MTUS1: variants seen among roughly 807,000 people sequenced by gnomAD.
The protein encoded by MTUS1 is microtubule-associated tumor suppressor 1.
Under a neutral mutation model 120.8 loss-of-function variants are expected in MTUS1, and 109 were observed. That is an observed-to-expected ratio of 0.90 (90% CI 0.77 to 1.06). The LOEUF (loss-of-function observed/expected upper bound fraction) is 1.06. Ranked by LOEUF, MTUS1 falls within the 50% of genes least tolerant of loss-of-function variation. The probability of loss-of-function intolerance (pLI) is 0.00; values close to 1 mark genes in which losing one functional copy is unlikely to be tolerated. For synonymous variants in MTUS1, 737 were observed against 550.5 expected (o/e 1.34, Z -4.74); for missense variants, 2,210 against 1,486.3 (o/e 1.49, Z -8.01).
At chr8:17,744,324 T>G (rs907578500) in intron 2 of MTUS1, among the ~76,000 whole-genome samples, 9 of 152,218 alleles carry the variant, frequency 5.9e-5, no homozygotes, top group African/African-American at 2.2e-4. Flanking sequence ...CGGCCACGTA[T>G]GAGATTTCAT....
Position 17,743,674 on chromosome 8 carries a change from G to C in MTUS1, c.2217C>G (p.Asn739Lys), listed in dbSNP as rs750048149. 13 of 1,614,004 alleles carry C rather than the reference G, an allele frequency of 8.1e-6. No individual in the cohort carries two copies. Among genetic ancestry groups the C allele is most frequent in the Non-Finnish European group, 1.1e-5 (13 of 1,180,032 alleles). ...CAGCACTGGGATTTCTATTGTCACT[G>C]TTCCGCCTCAAACAGGAAACAGGGG... ...VGPPVSCLRR[N>K]SDNRNPSADR... The change falls in exon 3 of 15, where the codon AAC becomes AAG. Residue 739 changes from asparagine (N) to lysine (K), a missense_variant. By Grantham distance (94) the Asn-to-Lys change is moderately conservative (BLOSUM62 0). Coordinates refer to ENST00000693296, the MANE Select transcript of MTUS1 (RefSeq NM_001363059.2).
At chr8:17,712,651 T>G (rs188809348) in intron 6 of MTUS1, among the ~76,000 whole-genome samples, 4 of 152,308 alleles carry the variant, frequency 2.6e-5, no homozygotes, top group Non-Finnish European at 4.4e-5. Context: ...TCTGTCGGTC[T>G]GTCTGTCTGT....
chr8:17,715,234 C>T (rs1822093668), intron 5 of MTUS1, among the ~76,000 whole-genome samples: 1 of 151,958 alleles, frequency 6.6e-6, no homozygotes, highest in African/African-American at 2.4e-5. Context: ...TGCTTTGGCC[C>T]CACTGAGACA....
At chr8:17,735,941 T>A (rs572027884) in intron 3 of MTUS1, among the ~76,000 whole-genome samples, 1 of 152,182 alleles carries the variant, frequency 6.6e-6, no homozygotes, top group Non-Finnish European at 1.5e-5. Flanking sequence ...ACAGCTGAGG[T>A]GGAATCTGAA....
chr8:17,658,600 G>A (rs866754371), intron 8 of MTUS1, among the ~76,000 whole-genome samples: 1 of 152,162 alleles, frequency 6.6e-6, no homozygotes, highest in African/African-American at 2.4e-5. Flanking sequence ...GGATTAATAC[G>A]ACAGGGTTGC....
intron 3 of MTUS1, among the ~76,000 whole-genome samples, chr8:17,726,445 T>C (rs2046236421): frequency 6.6e-6 from 1 of 152,188 alleles, no homozygotes; most frequent in South Asian, 2.1e-4. Flanking sequence ...CCTGATTCAA[T>C]TCTGGTCCTC....
intron 12 of MTUS1, 24 bp downstream of exon 12, chr8:17,653,162 G>A (rs1807399220): frequency 7.3e-6 from 10 of 1,364,200 alleles, no homozygotes; most frequent in Admixed American, 5.4e-5. Context: ...ATTCCATACT[G>A]ATAAAGGAGC....
chr8:17,670,811 G>C (rs1811863074), intron 8 of MTUS1, among the ~76,000 whole-genome samples: 2 of 147,138 alleles, frequency 1.4e-5, no homozygotes, highest in Admixed American at 6.6e-5. Flanking sequence ...AACAGAGCAA[G>C]ACCCTGTCTT....
At chr8:17,784,973 C>A (rs568473391) in intron 1 of MTUS1, among the ~76,000 whole-genome samples, 32 of 151,132 alleles carry the variant, frequency 2.1e-4, no homozygotes, top group Non-Finnish European at 4.4e-4. Context: ...TTTGTAGAAA[C>A]GGGGTTTCAC....
chr8:17,664,361 G>C (rs1025456244), intron 8 of MTUS1, among the ~76,000 whole-genome samples: 1 of 152,046 alleles, frequency 6.6e-6, no homozygotes, highest in Non-Finnish European at 1.5e-5. Flanking sequence ...AAGAAGAGAC[G>C]AACAGGAAAA....
chr8:17,678,683 T>C (rs952254927), intron 7 of MTUS1, among the ~76,000 whole-genome samples: 1 of 151,868 alleles, frequency 6.6e-6, no homozygotes, highest in Non-Finnish European at 1.5e-5. Flanking sequence ...CCAAGTCAAC[T>C]TTACTGCTAG....
intron 8 of MTUS1, among the ~76,000 whole-genome samples, chr8:17,665,083 C>T (rs909186303): frequency 2.0e-5 from 3 of 152,186 alleles, no homozygotes; most frequent in African/African-American, 7.2e-5. Flanking sequence ...TGTAGAAAGT[C>T]TTCCCAGCCT....
chr8:17,670,038 G>C (rs535828122), intron 8 of MTUS1, among the ~76,000 whole-genome samples: 26 of 152,316 alleles, frequency 1.7e-4, no homozygotes, highest in African/African-American at 6.3e-4. Context: ...AGCAGGGATG[G>C]ATCCAAGTGG....
chr8:17,746,359 T>G (rs779880182), intron 2 of MTUS1, among the ~76,000 whole-genome samples: 1 of 152,176 alleles, frequency 6.6e-6, no homozygotes, highest in Non-Finnish European at 1.5e-5. Flanking sequence ...CTCTACGTAT[T>G]AGTCCATTTT....
intron 1 of MTUS1, among the ~76,000 whole-genome samples, chr8:17,769,088 T>G (rs745776928): frequency 9.2e-5 from 14 of 151,986 alleles, no homozygotes; most frequent in Non-Finnish European, 2.1e-4. Context: ...CCCTAGCTGG[T>G]GATAGCAAAG....
At chr8:17,674,218 G>A (rs555108850) in intron 8 of MTUS1, among the ~76,000 whole-genome samples, 2 of 152,144 alleles carry the variant, frequency 1.3e-5, no homozygotes, top group East Asian at 3.9e-4. Flanking sequence ...TCAAGAGATG[G>A]AGACCCTCCT....
chr8:17,782,948 G>C (rs1258042851), intron 1 of MTUS1, among the ~76,000 whole-genome samples: 1 of 152,056 alleles, frequency 6.6e-6, no homozygotes, highest in Non-Finnish European at 1.5e-5. Flanking sequence ...TGTGGTAGTG[G>C]GCGCCTGTAA....
chr8:17,672,311 A>ATGTAATCC (rs150707735), intron 8 of MTUS1, among the ~76,000 whole-genome samples: 2,140 of 152,244 alleles, frequency 0.014, 52 homozygotes, highest in African/African-American at 0.048. Context: ...GCATTACCTC[A>ATGTAATCC]TGTAATCCTC....
chr8:17,722,226 C>A (rs903465048), intron 4 of MTUS1: 2 of 1,001,826 alleles, frequency 2.0e-6, no homozygotes, highest in East Asian at 1.0e-4. Context: ...AGTACTGAAA[C>A]GGTGGCCAAG....
Sources: allele counts gnomAD v4.1 joint callset (sites outside exome capture counted in the v4.1 genomes callset), GRCh38; gene constraint gnomAD v4.1.1; transcripts MANE v1.5; gene names NCBI Gene and HGNC (gene_info 2026-07-23, HGNC 2026-07-21).